Variants in LCOR observed in about 807,000 individuals in gnomAD.
LCOR encodes the protein ligand-dependent corepressor.
In LCOR, 14 loss-of-function variants were observed where a neutral mutation model predicts 64.4. The observed-to-expected ratio is 0.22, with a 90% confidence interval of 0.14 to 0.34. The LOEUF is 0.34. Ranked by LOEUF, LCOR falls within the 10% of genes least tolerant of loss-of-function variation. The pLI is 1.00. For synonymous variants in LCOR, 643 were observed against 642.5 expected, an observed-to-expected ratio of 1.00 and a Z score of -0.01; for missense variants, 1,686 against 1,765.3, an observed-to-expected ratio of 0.96 and a Z score of 0.80.
chr10:96,962,907 T>A (rs1847903435), intron 7 of LCOR: 1 of 152,232 alleles, frequency 6.6e-6, no homozygotes, highest in Admixed American at 6.5e-5. Context: ...TTGTACACAC[T>A]GTTTAAAAAC....
chr10:96,908,841 G>A (rs951122800), intron 4 of LCOR, among the ~76,000 whole-genome samples: 33 of 151,900 alleles, frequency 2.2e-4, no homozygotes, highest in African/African-American at 7.7e-4. Flanking sequence ...TCAGCCTCAC[G>A]AGTAGCTGGG....
intron 2 of LCOR, among the ~76,000 whole-genome samples, chr10:96,849,502 G>A (rs1221728873): frequency 2.6e-5 from 4 of 152,138 alleles, no homozygotes; most frequent in African/African-American, 9.7e-5. Context: ...GAGCCACCAC[G>A]CCCAGCCAGG....
chr10:96,958,949 C>G (rs1235689969), intron 7 of LCOR: 4 of 134,174 alleles, frequency 3.0e-5, no homozygotes, highest in Non-Finnish European at 6.4e-5. Flanking sequence ...TGGAATATTT[C>G]AAAAGATATA....
rs991494095 is a variant in LCOR, at chr10:96,990,364, C to G, written c.*5230C>G. The G allele has an allele frequency of 6.6e-6, 1 of 151,952 alleles. No homozygotes were observed. Among genetic ancestry groups the G allele is most frequent in the South Asian group, 2.1e-4 (1 of 4,820 alleles). 9.4% of individuals were successfully genotyped at this position (151,952 alleles called of 1,614,324 possible). ...TCAGCCTCCTGAGTAGCTGGGACTACAGGTGCATGCCACCACACCCAGTTA... is the reference window on the plus strand; with the variant it reads ...TCAGCCTCCTGAGTAGCTGGGACTAGAGGTGCATGCCACCACACCCAGTTA... On this transcript the variant is annotated 3_prime_UTR_variant, in exon 8 of 8. Transcript: ENST00000421806.
chr10:96,965,150 A>G (rs1254772322), intron 7 of LCOR, among the ~76,000 whole-genome samples: 1 of 151,516 alleles, frequency 6.6e-6, no homozygotes, highest in Non-Finnish European at 1.5e-5. Context: ...CTGGGACTAC[A>G]GTCGCCCGCC....
intron 2 of LCOR, among the ~76,000 whole-genome samples, chr10:96,837,263 T>A (rs955848599): frequency 6.6e-6 from 1 of 152,076 alleles, no homozygotes; most frequent in African/African-American, 2.4e-5. Context: ...GTGCTGGGAT[T>A]ACAGGCATGA....
intron 2 of LCOR, among the ~76,000 whole-genome samples, chr10:96,856,873 A>G (rs1327425167): frequency 6.6e-6 from 1 of 152,014 alleles, no homozygotes; most frequent in Non-Finnish European, 1.5e-5. Context: ...AAAGTAAAAA[A>G]AATTATCTGG....
chr10:96,900,919 G>A (rs1846624498), intron 2 of LCOR, among the ~76,000 whole-genome samples: 1 of 150,064 alleles, frequency 6.7e-6, no homozygotes, highest in South Asian at 2.1e-4. Context: ...GCCGGGCGCA[G>A]TGGCTCACAC....
chr10:96,921,962 G>A (rs556635774), intron 4 of LCOR, among the ~76,000 whole-genome samples: 2 of 152,146 alleles, frequency 1.3e-5, no homozygotes, highest in Non-Finnish European at 2.9e-5. Context: ...ATTCTGGGAG[G>A]GATTACTGTA....
rs1219725998 is a variant in LCOR, at chr10:96,991,531, G to A, written c.*6397G>A. On this transcript the variant is annotated 3_prime_UTR_variant, in exon 8 of 8. Coordinates refer to ENST00000421806, the MANE Select transcript of LCOR (RefSeq NM_001346516.2). ...GTGCCTCTCCCTGAAAGTATGCGAT[G>A]TGTTGGTTTTACCCCTAGAACCCTT... The A allele has an allele frequency of 2.6e-5, 4 of 152,328 alleles. No individual in the cohort carries two copies. Among genetic ancestry groups the A allele is most frequent in the South Asian group, 2.1e-4 (1 of 4,822 alleles). 9.4% of individuals were successfully genotyped at this position (152,328 alleles called of 1,614,324 possible).
chr10:96,849,061 CTTTTTTTTTTTTTT>C (rs67974828), intron 2 of LCOR, among the ~76,000 whole-genome samples: 285 of 33,850 alleles, frequency 8.4e-3, no homozygotes, highest in East Asian at 0.056. Flanking sequence ...GGCTAATTGT[CTTTTTTTTTTTTTT>C]TTTTTTTTTT....
chr10:96,915,806 G>C, intron 4 of LCOR: 1 of 575,956 alleles, frequency 1.7e-6, no homozygotes, highest in Non-Finnish European at 3.3e-6. Context: ...CTTTGGAGGA[G>C]CAGGGTTAGC....
At position 96,952,110 on chromosome 10, in the gene LCOR, A is replaced by T. The variant is rs779813329; in HGVS notation, c.246A>T (p.Val82=). 6.2e-7 allele frequency: 1 copy of T among 1,612,782 alleles called. No individual in the cohort carries two copies. The highest frequency in any genetic ancestry group is 1.1e-5 in the South Asian group (1 of 91,046). ...SQSEPSEQDG[V]LDLSTKKSPC... ...TTCTTTGTGTCTCTGCAGACGGTGTACTTGATCTGTCCACTAAGAAAAGTC... is the reference window on the plus strand; with the variant it reads ...TTCTTTGTGTCTCTGCAGACGGTGTTCTTGATCTGTCCACTAAGAAAAGTC... Residue 82 remains valine (V), a synonymous_variant, in exon 7 of 8, where the codon GTA becomes GTT. Transcript: ENST00000421806.
At chr10:96,857,171 T>G (rs1191778633) in intron 2 of LCOR, among the ~76,000 whole-genome samples, 1 of 152,112 alleles carries the variant, frequency 6.6e-6, no homozygotes, top group Admixed American at 6.6e-5. Context: ...ACAAGACATT[T>G]TAGACAAAGA....
At position 96,900,480 on chromosome 10, in the gene LCOR, GATATA is replaced by G. The variant is rs557437674; in HGVS notation, c.-329-6781_-329-6777del. On this transcript the variant is annotated intron_variant, in intron 2 of 7. Transcript: ENST00000421806. ...TAAAGCAAAATTTAATGAAATCAATGATATAATAGAGAAGAACAAAAAAGTCAAAG... is the reference window on the plus strand; with the variant it reads ...TAAAGCAAAATTTAATGAAATCAATGATAGAGAAGAACAAAAAAGTCAAAG... 2.0e-3 allele frequency among the ~76,000 whole-genome samples: 306 copies of G among 151,598 alleles called. 7 individuals are homozygous for G. Among genetic ancestry groups the G allele is most frequent in the South Asian group, 2.5e-3 (12 of 4,808 alleles).
rs375712434 is a variant in LCOR at position 96,976,252 on chromosome 10, A to C, written c.333-4541A>C. ...TGCAGTTCTGTGGAAAGAAACGTTT[A>C]TTTTCTTTTCATTCTCCTGAGCTTC... On this transcript the variant is annotated intron_variant, in intron 7 of 7. Transcript: ENST00000421806. Among the ~76,000 whole-genome samples, 31 of 151,946 alleles carry C rather than the reference A, an allele frequency of 2.0e-4. No homozygotes were observed. The East Asian group carries it at 4.4e-3, about 22-fold the overall frequency.
rs945886176 is a variant in LCOR at position 96,963,817 on chromosome 10, A to G, written c.332+11621A>G. The G allele has an allele frequency of 8.5e-5, 13 of 152,352 alleles. No homozygotes were observed. The Middle Eastern group carries it at 0.014, about 159-fold the overall frequency. The allele number at this position is 152,352 out of a possible 1,614,324, so 9.4% of individuals were successfully genotyped here. On this transcript the variant is annotated intron_variant, in intron 7 of 7. Transcript: ENST00000421806. ...TTATTTCTCTGCTTTAATATTTGAT[A>G]TCTTACATCTAAAATAAATTCTCTC...
At chr10:96,969,778 T>TC (rs1564642979) in intron 7 of LCOR, among the ~76,000 whole-genome samples, 3 of 142,464 alleles carry the variant, frequency 2.1e-5, no homozygotes, top group Non-Finnish European at 4.5e-5. Context: ...TTTTTTCTTT[T>TC]TTTTTTTTTT....
chr10:96,973,175 C>T (rs1056728485), intron 7 of LCOR, among the ~76,000 whole-genome samples: 12 of 152,150 alleles, frequency 7.9e-5, no homozygotes, highest in Non-Finnish European at 1.8e-4. Flanking sequence ...TATTTAACAG[C>T]CTGTGATTTT....
Sources: allele counts gnomAD v4.1 joint callset (sites outside exome capture counted in the v4.1 genomes callset), GRCh38; gene constraint gnomAD v4.1.1; transcripts MANE v1.5; gene names NCBI Gene and HGNC (gene_info 2026-07-23, HGNC 2026-07-21).